The following ELF2 variants were observed in gnomAD, a reference collection of about 807,000 sequenced individuals.
ELF2 encodes ETS-related transcription factor Elf-2.
In ELF2, 11 loss-of-function variants were observed where a neutral mutation model predicts 54.8. That is an observed-to-expected ratio of 0.20 (90% CI 0.13 to 0.33). ELF2 has a LOEUF of 0.33. Ranked by LOEUF, ELF2 falls within the 10% of genes least tolerant of loss-of-function variation. The pLI, the probability that ELF2 is intolerant of heterozygous loss-of-function variation, is 1.00. For synonymous variants in ELF2, 203 were observed against 245.1 expected, an observed-to-expected ratio of 0.83 and a Z score of 1.61; for missense variants, 513 against 703.0, an observed-to-expected ratio of 0.73 and a Z score of 3.06.
chr4:139,171,116 G>A (rs7660656), intron 1 of ELF2, among the ~76,000 whole-genome samples: 152 of 152,274 alleles, frequency 1.0e-3, no homozygotes, highest in Non-Finnish European at 2.5e-4. Flanking sequence ...GGTCAGACAC[G>A]GTGGCTCATG....
chr4:139,109,905 G>A (rs1463709102), intron 4 of ELF2, among the ~76,000 whole-genome samples: 2 of 152,142 alleles, frequency 1.3e-5, no homozygotes, highest in Admixed American at 6.6e-5. Context: ...TCTGGGTGAT[G>A]GGATCAATAG....
chr4:139,059,498 T>A lies in ELF2; in HGVS notation c.1267A>T (p.Thr423Ser). ...GGAGAGGTCGCTGTTGTTGGACTAG[T>A]GCTGGTTATTAATGGTGCACCTGCA... is the stretch of plus-strand genomic sequence containing the variant. ...VNAGAPLITS[T>S]SPTTATSPKV... Residue 423 changes from threonine (T) to serine (S), a missense_variant, in exon 10 of 10, where the codon ACT becomes TCT. Physicochemically the swap from Thr to Ser is moderately conservative, Grantham distance 58 (BLOSUM62 1). Around this residue, in one of 3 missense-constraint regions of ELF2, gnomAD observed 291 missense variants for 366.1 expected, o/e 0.79. Transcript: ENST00000686138. 6.2e-7 allele frequency: 1 copy of A among 1,613,968 alleles called. No individual in the cohort carries two copies. The highest frequency in any genetic ancestry group is 8.5e-7 in the Non-Finnish European group (1 of 1,179,866).
In ELF2 at chr4:139,059,615, A is replaced by G. The variant is rs181483988; in HGVS notation, c.1158-8T>C. 1.3e-6 allele frequency: 2 copies of G among 1,593,692 alleles called. No individual in the cohort carries two copies. The highest frequency in any genetic ancestry group is 2.2e-5 in the East Asian group (1 of 44,694). On this transcript the variant is annotated splice_polypyrimidine_tract_variant and splice_region_variant and intron_variant, in intron 9 of 9. Transcript: ENST00000686138. Reference sequence around the variant, plus strand: ...ATTGCCACACGAACTGTCCTAGTACATTAGAAAGAAAAAAGCTGATTATAT... The same window carrying G: ...ATTGCCACACGAACTGTCCTAGTACGTTAGAAAGAAAAAAGCTGATTATAT...
intron 3 of ELF2, among the ~76,000 whole-genome samples, chr4:139,131,131 G>A (rs1412099656): frequency 6.6e-6 from 1 of 152,120 alleles, no homozygotes. Context: ...AAGCTAGGGT[G>A]CAAATAAAAA....
At chr4:139,092,929 C>G (rs1196474180) in intron 4 of ELF2, among the ~76,000 whole-genome samples, 1 of 151,172 alleles carries the variant, frequency 6.6e-6, no homozygotes, top group Non-Finnish European at 1.5e-5. Flanking sequence ...AGTAGGCATA[C>G]GCATACACAT....
chr4:139,092,418 T>TAACA (rs1316872798), intron 4 of ELF2, among the ~76,000 whole-genome samples: 1,527 of 50,144 alleles, frequency 0.03, 38 homozygotes, highest in Middle Eastern at 0.044. Context: ...ATAACATACA[T>TAACA]AACATAACAT....
At position 139,059,574 on chromosome 4, in the gene ELF2, T is replaced by C. The variant is rs1287952551; in HGVS notation, c.1191A>G (p.Val397=). ...AAATTTTCTGACCCAATGATGTCATTACAACAGGTACCTGCATTGCCACAC... is the reference window on the plus strand; with the variant it reads ...AAATTTTCTGACCCAATGATGTCATCACAACAGGTACCTGCATTGCCACAC... ...TVRVAMQVPV[V]MTSLGQKIST... The change falls in exon 10 of 10, where the codon GTA becomes GTG. Residue 397 remains valine, a synonymous_variant. Coordinates refer to ENST00000686138, the MANE Select transcript of ELF2 (RefSeq NM_001331036.3). The C allele has an allele frequency of 6.2e-7, 1 of 1,612,838 alleles. No individual in the cohort carries two copies. Among genetic ancestry groups the C allele is most frequent in the East Asian group, 2.2e-5 (1 of 44,884 alleles).
chr4:139,085,821 C>T (rs1731920910), intron 4 of ELF2, among the ~76,000 whole-genome samples: 3 of 152,140 alleles, frequency 2.0e-5, no homozygotes, highest in South Asian at 2.1e-4. Flanking sequence ...GTGCACCTAG[C>T]GACTCAAGTC....
At chr4:139,059,953 C>A (rs752124126) in intron 9 of ELF2, among the ~76,000 whole-genome samples, 1 of 151,770 alleles carries the variant, frequency 6.6e-6, no homozygotes, top group Non-Finnish European at 1.5e-5. Flanking sequence ...GCTCAAGTGA[C>A]TCTCCTGCCT....
At chr4:139,126,376 GGA>G (rs1491276261) in intron 3 of ELF2, among the ~76,000 whole-genome samples, 6 of 115,178 alleles carry the variant, frequency 5.2e-5, no homozygotes, top group African/African-American at 2.3e-4. Flanking sequence ...GAAATAGAAA[GGA>G]AAAAAAAAAA....
chr4:139,123,163 A>T (rs1221459070), intron 4 of ELF2, among the ~76,000 whole-genome samples: 1 of 150,884 alleles, frequency 6.6e-6, no homozygotes, highest in East Asian at 2.0e-4. Context: ...CAGCCTGGCG[A>T]CAGAGCGAGA....
intron 7 of ELF2, among the ~76,000 whole-genome samples, chr4:139,063,915 T>C (rs1004702339): frequency 4.6e-5 from 7 of 152,112 alleles, no homozygotes; most frequent in Non-Finnish European, 1.0e-4. Flanking sequence ...TCCCTTATTA[T>C]GGAGGAGAGA....
intron 1 of ELF2, among the ~76,000 whole-genome samples, chr4:139,144,009 T>C (rs772779283): frequency 1.3e-5 from 2 of 151,896 alleles, no homozygotes; most frequent in African/African-American, 2.4e-5. Context: ...TTGGCATGCC[T>C]CTTCCACTTG....
rs1424040072 is a variant in ELF2 at position 139,131,900 on chromosome 4, TATATACTGGC to T, written c.72+5720_72+5729del. On this transcript the variant is annotated intron_variant, in intron 3 of 9. Transcript: ENST00000686138. ...ATTAAGCAATTAAGGCAGTTAGAGC[TATATACTGGC>T]ATGGAAAAATATCCATGATACAAAC... Among the ~76,000 whole-genome samples the T allele has an allele frequency of 8.6e-5, 13 of 152,028 alleles. No individual in the cohort carries two copies. In the East Asian group the frequency reaches 2.5e-3, roughly 29 times the overall value.
intron 1 of ELF2, among the ~76,000 whole-genome samples, chr4:139,172,413 G>C (rs1370406950): frequency 6.6e-6 from 1 of 152,110 alleles, no homozygotes; most frequent in East Asian, 1.9e-4. Flanking sequence ...CTCTGCCTCG[G>C]CCATGAATCA....
chr4:139,171,128 T>C lies in ELF2; in HGVS notation c.-252+5839A>G, dbSNP rs183773775. 3.9e-3 allele frequency among the ~76,000 whole-genome samples: 601 copies of C among 152,232 alleles called. 3 individuals are homozygous for C. The highest frequency in any genetic ancestry group is 7.2e-3 in the Non-Finnish European group (488 of 68,004). The stretch of plus-strand genomic sequence containing the variant: ...ATGGGTCAGACACGGTGGCTCATGC[T>C]TGTAATCCCAGCACTTTGGCAGGCC... On this transcript the variant is annotated intron_variant, in intron 1 of 9. Coordinates refer to ENST00000686138, the MANE Select transcript of ELF2 (RefSeq NM_001331036.3).
intron 3 of ELF2, among the ~76,000 whole-genome samples, chr4:139,126,072 A>C (rs1736886769): frequency 6.6e-6 from 1 of 152,224 alleles, no homozygotes; most frequent in South Asian, 2.1e-4. Context: ...CAAAAAGCCA[A>C]ATATTCATAT....
intron 7 of ELF2, chr4:139,066,471 GATA>G (rs1728722555): frequency 6.6e-6 from 1 of 151,646 alleles, no homozygotes; most frequent in African/African-American, 2.4e-5. Flanking sequence ...AAAAAAAAAA[GATA>G]ATAAAAATAA....
intron 3 of ELF2, among the ~76,000 whole-genome samples, chr4:139,135,237 A>ATGTGTGTGTGTGTGTGTGTG (rs61122327): frequency 8.9e-6 from 1 of 112,398 alleles, no homozygotes; most frequent in African/African-American, 3.0e-5. Context: ...TACTATATAT[A>ATGTGTGTGTGTGTGTGTGTG]TGTGTGTGTG....
Sources: gnomAD v4.1 joint callset for allele counts (sites outside exome capture counted in the v4.1 genomes callset) on GRCh38, gnomAD v4.1.1 for gene constraint, gnomAD v4.1.1 regional missense constraint, MANE v1.5 for transcripts, NCBI Gene and HGNC (gene_info 2026-07-23, HGNC 2026-07-21) for gene names.